Variants in CCDC3 observed in about 807,000 individuals in gnomAD.
CCDC3 encodes the protein coiled-coil domain containing 3.
CCDC3 carries 24 observed loss-of-function variants against 21.4 expected under a neutral mutation model. The ratio of observed to expected loss-of-function variants is 1.12; its 90% CI spans 0.81 to 1.58. The LOEUF is 1.58. CCDC3 is among the 40% of genes most tolerant of loss of function. CCDC3 has a pLI of 0.00. For synonymous variants in CCDC3, 186 were observed against 166.0 expected (o/e 1.12, Z -0.93); for missense variants, 425 against 360.9 (o/e 1.18, Z -1.44).
intron 5 of CCDC3, among the ~76,000 whole-genome samples, chr10:13,025,630 G>A (rs573949318): frequency 9.2e-5 from 14 of 152,136 alleles, no homozygotes; most frequent in African/African-American, 2.6e-4. Flanking sequence ...TGTTGTCTAC[G>A]GTGACATTTT....
At position 12,974,494 on chromosome 10, in the gene CCDC3, T is replaced by C. The variant is rs114471768; in HGVS notation, c.549+23844A>G. 3.1e-3 allele frequency among the ~76,000 whole-genome samples: 468 copies of C among 152,380 alleles called. 4 individuals carry two copies. The highest frequency in any genetic ancestry group is 0.011 in the African/African-American group (445 of 41,592). ...TGATATTTAAGTGATATCAATTATA[T>C]GGAGTTTAGAAATTGTACGTGTGTC... is the stretch of plus-strand genomic sequence containing the variant. On this transcript the variant is annotated intron_variant, in intron 2 of 2. Transcript: ENST00000378825.
intron 2 of CCDC3, among the ~76,000 whole-genome samples, chr10:12,917,457 A>G (rs566464514): frequency 6.6e-6 from 1 of 152,036 alleles, no homozygotes; most frequent in South Asian, 2.1e-4. Flanking sequence ...CGGCCTCCCA[A>G]AGTGCTGGGA....
intron 3 of CCDC3, among the ~76,000 whole-genome samples, chr10:13,089,563 G>A (rs1013687437): frequency 4.6e-5 from 7 of 151,914 alleles, no homozygotes; most frequent in South Asian, 2.1e-4. Context: ...TCCTAGTTTC[G>A]CTTTCTCTTA....
intron 2 of CCDC3, among the ~76,000 whole-genome samples, chr10:12,905,928 T>G (rs1834164051): frequency 6.6e-6 from 1 of 152,240 alleles, no homozygotes; most frequent in Non-Finnish European, 1.5e-5. Context: ...CCAAGATTCC[T>G]TCATTATCCA....
chr10:12,917,586 A>G (rs183625236), intron 2 of CCDC3, among the ~76,000 whole-genome samples: 1 of 152,194 alleles, frequency 6.6e-6, no homozygotes, highest in East Asian at 1.9e-4. Flanking sequence ...ATGTAGGGAG[A>G]GTTGTTCAAA....
At chr10:12,990,335 T>C (rs367566483) in intron 2 of CCDC3, among the ~76,000 whole-genome samples, 58 of 151,664 alleles carry the variant, frequency 3.8e-4, no homozygotes, top group African/African-American at 1.4e-3. Flanking sequence ...TGCATACACA[T>C]TGTTAATACA....
intron 5 of CCDC3, among the ~76,000 whole-genome samples, chr10:13,018,411 G>T (rs1338356324): frequency 6.6e-6 from 1 of 152,054 alleles, no homozygotes; most frequent in Non-Finnish European, 1.5e-5. Context: ...ATCAGTATCT[G>T]CCCAGGGAAT....
At chr10:13,010,519 G>C (rs1329099484) in intron 5 of CCDC3, among the ~76,000 whole-genome samples, 2 of 152,168 alleles carry the variant, frequency 1.3e-5, no homozygotes. Context: ...TGTACTGCTG[G>C]TGGAAATGTA....
chr10:12,985,877 TTTTA>T, intron 2 of CCDC3, among the ~76,000 whole-genome samples: 1 of 152,236 alleles, frequency 6.6e-6, no homozygotes, highest in South Asian at 2.1e-4. Context: ...GCATCGAGTT[TTTTA>T]TTTGTTTGTT....
chr10:13,057,310 T>G (rs892646334), intron 4 of CCDC3, among the ~76,000 whole-genome samples: 5 of 151,616 alleles, frequency 3.3e-5, no homozygotes, highest in Non-Finnish European at 7.4e-5. Context: ...CAATAAAAAT[T>G]TTAAAATAAT....
chr10:12,923,843 A>AATAG (rs2131219387), intron 2 of CCDC3, among the ~76,000 whole-genome samples: 1 of 152,332 alleles, frequency 6.6e-6, no homozygotes, highest in South Asian at 2.1e-4. Context: ...AAGGTTTCAG[A>AATAG]CAACCTCTGC....
chr10:13,001,146 G>C (rs188381066), intron 1 of CCDC3, 51 bp downstream of exon 1: 1 of 1,521,990 alleles, frequency 6.6e-7, no homozygotes, highest in Non-Finnish European at 8.8e-7. Flanking sequence ...CGGCGACCTC[G>C]GGAGGTGGCG....
intron 2 of CCDC3, among the ~76,000 whole-genome samples, chr10:12,939,117 C>G (rs1037828830): frequency 2.0e-5 from 3 of 151,936 alleles, no homozygotes; most frequent in Non-Finnish European, 4.4e-5. Context: ...GTCTTTACAA[C>G]AGTGACTTTT....
At chr10:13,035,033 T>TAA (rs11448002) in intron 5 of CCDC3, among the ~76,000 whole-genome samples, 18,741 of 139,466 alleles carry the variant, frequency 0.13, 1,345 homozygotes, top group Middle Eastern at 0.19. Flanking sequence ...CTCAAAAAAT[T>TAA]AAAAAAAAAA....
Position 13,001,372 on chromosome 10 carries a change from G to C in CCDC3, c.199C>G (p.His67Asp). The change falls in exon 1 of 3, where the codon CAC (histidine) becomes GAC (aspartate). Residue 67 changes from histidine (H) to aspartate (D), a missense_variant. Transcript: ENST00000378825. ...GLYNHLPWQY[H>D]AGQGGLFYSA... ...TAGAAGAGGCCCCCCTGGCCGGCGTGGTACTGCCAGGGCAGGTGGTTGTAG... is the reference window on the plus strand; with the variant it reads ...TAGAAGAGGCCCCCCTGGCCGGCGTCGTACTGCCAGGGCAGGTGGTTGTAG... 1 of 1,591,806 alleles carries C rather than the reference G, an allele frequency of 6.3e-7. No individual in the cohort carries two copies. Among genetic ancestry groups the C allele is most frequent in the Non-Finnish European group, 8.5e-7 (1 of 1,170,348 alleles).
chr10:13,095,516 T>A (rs1354887747), intron 3 of CCDC3, among the ~76,000 whole-genome samples: 1 of 152,112 alleles, frequency 6.6e-6, no homozygotes, highest in Non-Finnish European at 1.5e-5. Context: ...GCAACCTAGA[T>A]CCCTTGCATG....
chr10:13,057,291 T>TA (rs910834426), intron 4 of CCDC3, among the ~76,000 whole-genome samples: 25 of 151,600 alleles, frequency 1.6e-4, no homozygotes, highest in Admixed American at 2.6e-4. Flanking sequence ...GACCTTGTCT[T>TA]AAAAAAAACA....
rs546088608 is a variant in CCDC3, at chr10:12,993,814, G to A, written c.549+4524C>T. ...AGATCCCGTTGCTATTTACTAATGC[G>A]TGGGTGGGATATTTGAAGATGGAGA... On this transcript the variant is annotated intron_variant, in intron 2 of 2. Transcript: ENST00000378825. Among the ~76,000 whole-genome samples the A allele has an allele frequency of 2.3e-3, 343 of 152,314 alleles. 3 individuals carry two copies. Among genetic ancestry groups the A allele is most frequent in the African/African-American group, 7.7e-3 (318 of 41,554 alleles).
chr10:12,932,121 T>C (rs1834656205), intron 2 of CCDC3, among the ~76,000 whole-genome samples: 1 of 152,228 alleles, frequency 6.6e-6, no homozygotes, highest in Non-Finnish European at 1.5e-5. Flanking sequence ...GTTTTCCTCA[T>C]GTAGATCTTG....
Sources: gnomAD v4.1 joint callset for allele counts (sites outside exome capture counted in the v4.1 genomes callset) on GRCh38, gnomAD v4.1.1 for gene constraint, MANE v1.5 for transcripts, NCBI Gene and HGNC (gene_info 2026-07-23, HGNC 2026-07-21) for gene names.